TRPM4: variants seen among roughly 807,000 people sequenced by gnomAD.
TRPM4 encodes transient receptor potential cation channel subfamily M member 4, also known as calcium-activated non-selective cation channel 1.
In TRPM4, 124 loss-of-function variants were observed where a neutral mutation model predicts 135.6. The observed-to-expected ratio is 0.91, with a 90% confidence interval of 0.79 to 1.06. The LOEUF (loss-of-function observed/expected upper bound fraction) is 1.06, where lower values mean the gene tolerates loss of function less well. Among genes scored for constraint, TRPM4 ranks in the 50% least tolerant of loss-of-function variants. The probability of loss-of-function intolerance (pLI) is 0.00; values close to 1 mark genes in which losing one functional copy is unlikely to be tolerated. For missense variants in TRPM4, 1,658 were observed against 1,671.4 expected, an observed-to-expected ratio of 0.99 and a Z score of 0.14; for synonymous variants, 745 against 705.6, an observed-to-expected ratio of 1.06 and a Z score of -0.88.
chr19:49,210,973 G>A lies in TRPM4; in HGVS notation c.3462-42G>A. ...GAAGCAGGCAGAGCCCTGGGGGTGG[G>A]TGGGCTGCGGGTGCCCCCGGTAAGA... is the stretch of plus-strand genomic sequence containing the variant. On this transcript the variant is annotated intron_variant, in intron 22 of 24. Transcript: ENST00000252826. The surrounding 1 kb of genome is among the most constrained non-coding windows in gnomAD (Gnocchi z 4.1). 6.2e-7 allele frequency: 1 copy of A among 1,604,414 alleles called. No individual in the cohort carries two copies. Among genetic ancestry groups the A allele is most frequent in the Non-Finnish European group, 8.5e-7 (1 of 1,175,006 alleles).
At chr19:49,166,871 T>C (rs1196838211) in intron 3 of TRPM4, among the ~76,000 whole-genome samples, 1 of 150,438 alleles carries the variant, frequency 6.6e-6, no homozygotes, top group Non-Finnish European at 1.5e-5. Flanking sequence ...TGTTTCCCCC[T>C]CTCTCTGGGT....
chr19:49,190,585 C>A, intron 15 of TRPM4, 111 bp from the exon 16 acceptor site: 1 of 1,159,800 alleles, frequency 8.6e-7, no homozygotes. Flanking sequence ...AGGAGACCAC[C>A]TCTCTGTCCC....
intron 17 of TRPM4, among the ~76,000 whole-genome samples, chr19:49,197,449 T>C (rs1968733096): frequency 7.0e-6 from 1 of 142,554 alleles, no homozygotes; most frequent in Non-Finnish European, 1.5e-5. Context: ...TCTCCCTCTG[T>C]CCTCTGCCCC....
chr19:49,184,266 C>T lies in TRPM4; in HGVS notation c.1743+1054C>T, dbSNP rs572619591. 8.6e-4 allele frequency among the ~76,000 whole-genome samples: 131 copies of T among 151,778 alleles called. 2 individuals are homozygous for T. The South Asian group carries it at 0.026, about 30-fold the overall frequency. ...AAGTCCCTTAGGCTCTGCTTATTTT[C>T]CTTCATTTGTTTTTCTTTTTTCTCC... On this transcript the variant is annotated intron_variant, in intron 12 of 24. Coordinates refer to ENST00000252826, the MANE Select transcript of TRPM4 (RefSeq NM_017636.4).
rs1205249735 is a variant in TRPM4 at position 49,182,733 on chromosome 19, C to G, written c.1419C>G (p.Ile473Met). Residue 473 changes from isoleucine to methionine, a missense_variant, in exon 11 of 25, where the codon ATC becomes ATG. Physicochemically the swap from Ile to Met is conservative, Grantham distance 10. Coordinates refer to ENST00000252826, the MANE Select transcript of TRPM4 (RefSeq NM_017636.4). ...GCGCGGCGCCCTCCAACTCGCTCAT[C>G]CGCAACCTTTTGGACCAGGCGTCCC... ...LYSAAPSNSLIRNLLDQASHS... is the reference protein window; with the variant it reads ...LYSAAPSNSLMRNLLDQASHS... 1 of 1,614,190 alleles carries G rather than the reference C, an allele frequency of 6.2e-7. No individual in the cohort carries two copies. The highest frequency in any genetic ancestry group is 8.5e-7 in the Non-Finnish European group (1 of 1,180,014).
chr19:49,197,508 C>CTTCT (rs1491387950), intron 17 of TRPM4, among the ~76,000 whole-genome samples: 1 of 145,032 alleles, frequency 6.9e-6, no homozygotes, highest in Admixed American at 7.1e-5. Context: ...TCCTTCCTTC[C>CTTCT]TTCCTTCTAT....
At chr19:49,180,256 C>A (rs7251517) in intron 9 of TRPM4, among the ~76,000 whole-genome samples, 52,486 of 151,826 alleles carry the variant, frequency 0.35, 9,496 homozygotes, top group African/African-American at 0.45. Context: ...GGATCCACTA[C>A]ATAGCTGGAT....
Position 49,182,917 on chromosome 19 carries a change from G to T in TRPM4, c.1603G>T (p.Glu535Ter), listed in dbSNP as rs748187859. 15 of 1,592,234 alleles carry T rather than the reference G, an allele frequency of 9.4e-6. No individual in the cohort carries two copies. Among genetic ancestry groups the T allele is most frequent in the Non-Finnish European group, 1.3e-5 (15 of 1,169,774 alleles). Residue 535 changes from glutamate (E) to a stop codon, truncating the protein, a stop_gained, in exon 11 of 25, where the codon GAG becomes TAG. Transcript: ENST00000252826. LOFTEE classifies it high-confidence loss of function. ...WDPHPGQGFG[E>*]SMYLLSDKAT... The stretch of plus-strand genomic sequence containing the variant: ...CCCTCACCCAGGCCAGGGCTTCGGG[G>T]AGAGCGTAAGGACCGGGCAAAGCTG...
rs2145998280 is a variant in TRPM4, at chr19:49,210,770, A to G, written c.3389A>G (p.Glu1130Gly). The G allele has an allele frequency of 1.9e-5, 31 of 1,614,102 alleles. No individual in the cohort carries two copies. The highest frequency in any genetic ancestry group is 2.1e-5 in the Non-Finnish European group (25 of 1,180,034). The change falls in exon 22 of 25, where the codon GAG becomes GGG. Residue 1130 changes from glutamate (E) to glycine (G), a missense_variant. This residue lies in a region of TRPM4 where 1,412 missense variants were observed against 1,408.7 expected (regional missense o/e 1.00). Transcript: ENST00000252826. The surrounding 1 kb of genome is among the most constrained non-coding windows in gnomAD (Gnocchi z 4.1). ...CTAACGTGGGAATCGGTGCATAAGG[A>G]GAACTTTCTGCTGGCACGCGCTAGG... is the stretch of plus-strand genomic sequence containing the variant. ...KLLTWESVHK[E>G]NFLLARARDK... is the part of the protein sequence containing the mutation.
chr19:49,207,041 T>G (rs1204873633), intron 20 of TRPM4, among the ~76,000 whole-genome samples: 1 of 152,226 alleles, frequency 6.6e-6, no homozygotes, highest in Non-Finnish European at 1.5e-5. Context: ...CTAGAAGCTT[T>G]CTTGTGATTC....
intron 12 of TRPM4, among the ~76,000 whole-genome samples, chr19:49,183,524 G>A (rs1336896446): frequency 1.3e-5 from 2 of 152,002 alleles, no homozygotes; most frequent in African/African-American, 2.4e-5. Context: ...AGCCTCCGGA[G>A]TAGCTGGGAT....
intron 20 of TRPM4, among the ~76,000 whole-genome samples, chr19:49,203,048 G>A (rs746107195): frequency 4.2e-4 from 64 of 151,010 alleles, no homozygotes; most frequent in Non-Finnish European, 6.2e-4. Context: ...CCGCCACCAC[G>A]CCCAGCTAAT....
At chr19:49,197,322 TTCTTTCTTTCTTTCTTTC>T (rs1427906320) in intron 17 of TRPM4, among the ~76,000 whole-genome samples, 3 of 118,300 alleles carry the variant, frequency 2.5e-5, no homozygotes, top group East Asian at 4.3e-4. Flanking sequence ...CTTTCTTTCT[TTCTTTCTTTCTTTCTTTC>T]TTTCTTTCTT....
intron 9 of TRPM4, among the ~76,000 whole-genome samples, chr19:49,176,720 G>A (rs1296579999): frequency 4.6e-5 from 7 of 152,146 alleles, no homozygotes; most frequent in African/African-American, 1.2e-4. Context: ...GCGTGGTGGC[G>A]GGTGCCTGTA....
At chr19:49,197,328 C>CTTTCT (rs1225760896) in intron 17 of TRPM4, among the ~76,000 whole-genome samples, 1 of 118,900 alleles carries the variant, frequency 8.4e-6, no homozygotes, top group Non-Finnish European at 1.6e-5. Flanking sequence ...TTCTTTCTTT[C>CTTTCT]TTTCTTTCTT....
rs757255259 is a variant in TRPM4, at chr19:49,210,731, C to G, written c.3350C>G (p.Ala1117Gly). 1 of 1,614,188 alleles carries G rather than the reference C, an allele frequency of 6.2e-7. No individual in the cohort carries two copies. The highest frequency in any genetic ancestry group is 1.6e-4 in the Middle Eastern group (1 of 6,062). The change falls in exon 22 of 25, where the codon GCC becomes GGC. Residue 1117 changes from alanine to glycine, a missense_variant. Physicochemically the swap from Ala to Gly is moderately conservative, Grantham distance 60. Coordinates refer to ENST00000252826, the MANE Select transcript of TRPM4 (RefSeq NM_017636.4). This position sits in a 1 kb window ranked among gnomAD's most constrained non-coding sequence, Gnocchi z 4.1. ...GCAGGGGTTTACCTTTCTAAGGAAGCCGAGCGGAAGCTGCTAACGTGGGAA... is the reference window on the plus strand; with the variant it reads ...GCAGGGGTTTACCTTTCTAAGGAAGGCGAGCGGAAGCTGCTAACGTGGGAA... ...EHFRVYLSKE[A>G]ERKLLTWESV...
intron 16 of TRPM4, among the ~76,000 whole-genome samples, chr19:49,194,595 CCTTTCCTTTT>C (rs1389450867): frequency 1.3e-5 from 2 of 151,004 alleles, no homozygotes; most frequent in Non-Finnish European, 3.0e-5. Context: ...TCCTTCCTTT[CCTTTCCTTTT>C]CTTTCCTTCC....
At chr19:49,181,697 AATTT>A (rs1292286112) in intron 10 of TRPM4, among the ~76,000 whole-genome samples, 1 of 151,596 alleles carries the variant, frequency 6.6e-6, no homozygotes, top group Non-Finnish European at 1.5e-5. Flanking sequence ...ACACCCAGCT[AATTT>A]TTTTGTATTT....
chr19:49,181,327 C>T (rs1967911153), intron 9 of TRPM4, 22 bp from the exon 10 acceptor site: 4 of 1,575,636 alleles, frequency 2.5e-6, no homozygotes, highest in South Asian at 1.1e-5. Flanking sequence ...CTTCTTGTCC[C>T]CTCTCCCTCT....
Sources: allele counts gnomAD v4.1 joint callset (sites outside exome capture counted in the v4.1 genomes callset), GRCh38; gene constraint gnomAD v4.1.1; regional missense constraint gnomAD v4.1.1; non-coding constraint Gnocchi (gnomAD v3.1); transcripts MANE v1.5; gene names NCBI Gene and HGNC (gene_info 2026-07-23, HGNC 2026-07-21).